Variants in HOXD1 observed in about 807,000 individuals in gnomAD.
HOXD1 encodes homeobox protein Hox-D1.
A neutral mutation model predicts 19.9 loss-of-function variants in HOXD1; 17 were observed. That is an observed-to-expected ratio of 0.85 (90% CI 0.58 to 1.28). The LOEUF is 1.28. Ranked by LOEUF, HOXD1 falls within the 50% of genes most tolerant of loss-of-function variation. The pLI is 0.00. For synonymous variants in HOXD1, 239 were observed against 216.0 expected (o/e 1.11, Z -0.93); for missense variants, 500 against 460.1 (o/e 1.09, Z -0.79).
Position 176,189,246 on chromosome 2 carries a change from A to G in HOXD1, c.445A>G (p.Ser149Gly), listed in dbSNP as rs1450368127. 2 of 1,597,056 alleles carry G rather than the reference A, an allele frequency of 1.3e-6. No individual in the cohort carries two copies. Among genetic ancestry groups the G allele is most frequent in the Admixed American group, 1.7e-5 (1 of 58,218 alleles). Residue 149 changes from serine (S) to glycine (G), a missense_variant, in exon 1 of 2, where the codon AGC becomes GGC. Ser to Gly is a moderately conservative substitution (Grantham distance 56). Coordinates refer to ENST00000331462, the MANE Select transcript of HOXD1 (RefSeq NM_024501.3). ...CTCGGGCGGCGGCTCTTTCCTCCTCAGCGGCCAGGTGGATTACGCGGCCTT... is the reference window on the plus strand; with the variant it reads ...CTCGGGCGGCGGCTCTTTCCTCCTCGGCGGCCAGGTGGATTACGCGGCCTT... ...VFSGGGSFLLSGQVDYAAFGE... is the reference protein window; with the variant it reads ...VFSGGGSFLLGGQVDYAAFGE...
At position 176,189,152 on chromosome 2, in the gene HOXD1, C is replaced by A; in HGVS notation, c.351C>A (p.Phe117Leu). The A allele has an allele frequency of 6.3e-7, 1 of 1,590,532 alleles. No individual in the cohort carries two copies. Among genetic ancestry groups the A allele is most frequent in the East Asian group, 2.3e-5 (1 of 44,154 alleles). ...TGGGGTCCGGGCCGGCGTACGACTTCCCGGGCGTGCTGGGGCGGGCGGCCG... is the reference window on the plus strand; with the variant it reads ...TGGGGTCCGGGCCGGCGTACGACTTACCGGGCGTGCTGGGGCGGGCGGCCG... ...GFLGSGPAYD[F>L]PGVLGRAADD... The change falls in exon 1 of 2, where the codon TTC (phenylalanine) becomes TTA (leucine). Residue 117 changes from phenylalanine to leucine, a missense_variant. Phe to Leu is a conservative substitution (Grantham distance 22). Transcript: ENST00000331462.
In HOXD1 at chr2:176,189,180, GA is replaced by G; in HGVS notation, c.380del (p.Asp127AlafsTer82). 1 of 1,565,276 alleles carries G rather than the reference GA, an allele frequency of 6.4e-7. No individual in the cohort carries two copies. On this transcript the variant is annotated frameshift_variant, in exon 1 of 2. Coordinates refer to ENST00000331462, the MANE Select transcript of HOXD1 (RefSeq NM_024501.3). LOFTEE classifies it high-confidence loss of function. ...FPGVLGRAAD[D>X]GGSHVHYATS... ...GGGCGTGCTGGGGCGGGCGGCCGAC[GA>G]CGGCGGGTCTCACGTCCACTACGCC...
At position 176,189,362 on chromosome 2, in the gene HOXD1, C is replaced by T. The variant is rs1391980762; in HGVS notation, c.561C>T (p.Thr187=). The part of the protein sequence containing the change: ...AFQTASPAPG[T]YPKSVSPASG... ...AGACCGCATCCCCGGCCCCAGGCAC[C>T]TACCCCAAGTCCGTCTCTCCCGCCT... The change falls in exon 1 of 2, where the codon ACC becomes ACT. Residue 187 remains threonine (T), a synonymous_variant. Coordinates refer to ENST00000331462, the MANE Select transcript of HOXD1 (RefSeq NM_024501.3). 1.2e-6 allele frequency: 2 copies of T among 1,613,068 alleles called. No individual in the cohort carries two copies. The highest frequency in any genetic ancestry group is 1.7e-6 in the Non-Finnish European group (2 of 1,179,976).
chr2:176,189,737 C>A, intron 1 of HOXD1, 71 bp from the exon 2 acceptor site: 1 of 1,610,510 alleles, frequency 6.2e-7, no homozygotes. Flanking sequence ...TTGATTCTAA[C>A]TAGCTCCACT....
chr2:176,190,310 A>C lies in HOXD1; in HGVS notation c.*168A>C. On this transcript the variant is annotated 3_prime_UTR_variant, in exon 2 of 2. Coordinates refer to ENST00000331462, the MANE Select transcript of HOXD1 (RefSeq NM_024501.3). ...AGTTGGCTTCCGAGTTCCAGACTAT[A>C]TGTCCAGATATTAATTGACTGTCTT... The C allele has an allele frequency of 1.7e-6, 1 of 589,052 alleles. No homozygotes were observed. The allele number at this position is 589,052 out of a possible 1,614,324, so 36.5% of individuals were successfully genotyped here.
Position 176,190,509 on chromosome 2 carries a change from T to C in HOXD1, c.*367T>C, listed in dbSNP as rs1413589189. 1 of 213,490 alleles carries C rather than the reference T, an allele frequency of 4.7e-6. No individual in the cohort carries two copies. Among genetic ancestry groups the C allele is most frequent in the Admixed American group, 5.6e-5 (1 of 18,016 alleles). 13.2% of individuals were successfully genotyped at this position (213,490 alleles called of 1,614,324 possible). Reference sequence around the variant, plus strand: ...ACTCTGATGTGCTCAGAAGAGCACCTGCCCAAAGTTTTTCTGGTTTTAATT... The same window carrying C: ...ACTCTGATGTGCTCAGAAGAGCACCCGCCCAAAGTTTTTCTGGTTTTAATT... On this transcript the variant is annotated 3_prime_UTR_variant, in exon 2 of 2. Transcript: ENST00000331462.
At chr2:176,189,539 G>A (rs548572236) in intron 1 of HOXD1, 86 bp downstream of exon 1, 1 of 1,606,332 alleles carries the variant, frequency 6.2e-7, no homozygotes, top group South Asian at 1.1e-5. Context: ...TGGTGTCGCT[G>A]CCTTTCCAGA....
Position 176,189,227 on chromosome 2 carries a change from C to T in HOXD1, c.426C>T (p.Gly142=). ...VHYATSAVFS[G]GGSFLLSGQV... ...ACGCCACCTCGGCCGTCTTCTCGGG[C>T]GGCGGCTCTTTCCTCCTCAGCGGCC... is the stretch of plus-strand genomic sequence containing the variant. The change falls in exon 1 of 2, where the codon GGC becomes GGT. Residue 142 remains glycine, a synonymous_variant. Coordinates refer to ENST00000331462, the MANE Select transcript of HOXD1 (RefSeq NM_024501.3). The T allele has an allele frequency of 6.3e-7, 1 of 1,590,740 alleles. No individual in the cohort carries two copies. Among genetic ancestry groups the T allele is most frequent in the Non-Finnish European group, 8.5e-7 (1 of 1,169,856 alleles).
At chr2:176,189,597 T>C in intron 1 of HOXD1, 144 bp downstream of exon 1, 1 of 1,567,788 alleles carries the variant, frequency 6.4e-7, no homozygotes, top group Non-Finnish European at 8.6e-7. Context: ...GCGAATTCCA[T>C]GGAGTCTGCC....
chr2:176,190,255 A>C lies in HOXD1; in HGVS notation c.*113A>C, dbSNP rs1691768239. 2 of 690,646 alleles carry C rather than the reference A, an allele frequency of 2.9e-6. No homozygotes were observed. Among genetic ancestry groups the C allele is most frequent in the Non-Finnish European group, 5.0e-6 (2 of 399,236 alleles). The allele number at this position is 690,646 out of a possible 1,614,324, so 42.8% of individuals were successfully genotyped here. ...TGGAGGTGGGAGAACAAAAATGAAT[A>C]GGGATTTCACTTGGGAAATGAAGTA... On this transcript the variant is annotated 3_prime_UTR_variant, in exon 2 of 2. Coordinates refer to ENST00000331462, the MANE Select transcript of HOXD1 (RefSeq NM_024501.3).
Position 176,190,231 on chromosome 2 carries a change from G to A in HOXD1, c.*89G>A. On this transcript the variant is annotated 3_prime_UTR_variant, in exon 2 of 2. Transcript: ENST00000331462. ...TAGACTTAGGAGCTCAGTTTGGGAT[G>A]GAGGTGGGAGAACAAAAATGAATAG... is the stretch of plus-strand genomic sequence containing the variant. 1 of 858,810 alleles carries A rather than the reference G, an allele frequency of 1.2e-6. No homozygotes were observed. Among genetic ancestry groups the A allele is most frequent in the Non-Finnish European group, 1.8e-6 (1 of 542,040 alleles). 53.2% of individuals were successfully genotyped at this position (858,810 alleles called of 1,614,324 possible).
rs751583042 is a variant in HOXD1, at chr2:176,188,899, G to A, written c.98G>A (p.Arg33Gln). 3.4e-5 allele frequency: 54 copies of A among 1,591,572 alleles called. No homozygotes were observed. Among genetic ancestry groups the A allele is most frequent in the Non-Finnish European group, 4.6e-5 (54 of 1,173,950 alleles). The change falls in exon 1 of 2, where the codon CGG becomes CAG. Residue 33 changes from arginine to glutamine, a missense_variant. Physicochemically the swap from Arg to Gln is conservative, Grantham distance 43 (BLOSUM62 1). Coordinates refer to ENST00000331462, the MANE Select transcript of HOXD1 (RefSeq NM_024501.3). The part of the protein sequence containing the change: ...LAPKFCRSDA[R>Q]PVALQPAFPL... Reference sequence around the variant, plus strand: ...CCCAAGTTCTGCCGCTCCGACGCCCGGCCCGTGGCTCTGCAGCCCGCCTTC... The same window carrying A: ...CCCAAGTTCTGCCGCTCCGACGCCCAGCCCGTGGCTCTGCAGCCCGCCTTC...
chr2:176,189,140 G>T lies in HOXD1; in HGVS notation c.339G>T (p.Pro113=). The T allele has an allele frequency of 6.3e-7, 1 of 1,580,168 alleles. No individual in the cohort carries two copies. The highest frequency in any genetic ancestry group is 1.1e-5 in the South Asian group (1 of 87,090). The part of the protein sequence containing the change: ...GADYGFLGSG[P]AYDFPGVLGR... The stretch of plus-strand genomic sequence containing the variant: ...ACTACGGCTTCCTGGGGTCCGGGCC[G>T]GCGTACGACTTCCCGGGCGTGCTGG... Residue 113 remains proline (P), a synonymous_variant, in exon 1 of 2, where the codon CCG becomes CCT. Coordinates refer to ENST00000331462, the MANE Select transcript of HOXD1 (RefSeq NM_024501.3).
At chr2:176,189,782 G>A in intron 1 of HOXD1, 26 bp from the exon 2 acceptor site, 1 of 1,611,378 alleles carries the variant, frequency 6.2e-7, no homozygotes, top group East Asian at 2.2e-5. Context: ...CTCAGGCCTG[G>A]CTGACGCCCT....
At position 176,189,823 on chromosome 2, in the gene HOXD1, A is replaced by T; in HGVS notation, c.668A>T (p.Tyr223Phe). 1.2e-6 allele frequency: 2 copies of T among 1,613,994 alleles called. No individual in the cohort carries two copies. Among genetic ancestry groups the T allele is most frequent in the Non-Finnish European group, 1.7e-6 (2 of 1,179,878 alleles). Residue 223 changes from tyrosine to phenylalanine, a missense_variant, in exon 2 of 2, where the codon TAT (tyrosine) becomes TTT (phenylalanine). Physicochemically the swap from Tyr to Phe is conservative, Grantham distance 22. Coordinates refer to ENST00000331462, the MANE Select transcript of HOXD1 (RefSeq NM_024501.3). Reference sequence around the variant, plus strand: ...TACGTTGCAGGCAAACTCGCCGAGTATGGGGCCGCTAGCCCCTCCAGCGCG... The same window carrying T: ...TACGTTGCAGGCAAACTCGCCGAGTTTGGGGCCGCTAGCCCCTCCAGCGCG... Reference protein sequence around the residue: ...NASKKGKLAEYGAASPSSAIR... With the variant: ...NASKKGKLAEFGAASPSSAIR...
In HOXD1 at chr2:176,189,048, G is replaced by T; in HGVS notation, c.247G>T (p.Ala83Ser). The T allele has an allele frequency of 6.9e-7, 1 of 1,439,384 alleles. No homozygotes were observed. Among genetic ancestry groups the T allele is most frequent in the Non-Finnish European group, 9.0e-7 (1 of 1,111,078 alleles). 89.2% of individuals were successfully genotyped at this position (1,439,384 alleles called of 1,614,324 possible). Residue 83 changes from alanine (A) to serine (S), a missense_variant, in exon 1 of 2, where the codon GCG becomes TCG. By Grantham distance (99) the Ala-to-Ser change is moderately conservative. Transcript: ENST00000331462. ...ACCGCCTCCGGCCGCGCCCCAGTAC[G>T]CGCAGTGCACCCTGGAGGGGGCCTA... ...SVPPPAAPQY[A>S]QCTLEGAYEP...
In HOXD1 at chr2:176,189,923, A is replaced by T. The variant is rs776817945; in HGVS notation, c.768A>T (p.Arg256=). 6.2e-7 allele frequency: 1 copy of T among 1,614,228 alleles called. No homozygotes were observed. The highest frequency in any genetic ancestry group is 1.1e-5 in the South Asian group (1 of 91,078). The part of the protein sequence containing the change: ...KEFHFNKYLT[R]ARRIEIANCL... ...TTCATTTCAATAAGTACTTAACTCG[A>T]GCCCGGCGCATCGAGATAGCCAACT... Residue 256 remains arginine, a synonymous_variant, in exon 2 of 2, where the codon CGA becomes CGT. Coordinates refer to ENST00000331462, the MANE Select transcript of HOXD1 (RefSeq NM_024501.3).
chr2:176,188,789 TG>T lies in HOXD1; in HGVS notation c.-9del. The T allele has an allele frequency of 6.2e-7, 1 of 1,606,020 alleles. No individual in the cohort carries two copies. The highest frequency in any genetic ancestry group is 1.1e-5 in the South Asian group (1 of 90,066). On this transcript the variant is annotated 5_prime_UTR_variant, in exon 1 of 2. Transcript: ENST00000331462. ...GCCCCGGCCTGCGCCCTCAGAAAGG[TG>T]GGGCCCGAACCATGAGCTCCTACCT...
chr2:176,190,192 C>G lies in HOXD1; in HGVS notation c.*50C>G, dbSNP rs1342435336. 2 of 1,274,550 alleles carry G rather than the reference C, an allele frequency of 1.6e-6. No homozygotes were observed. Among genetic ancestry groups the G allele is most frequent in the Non-Finnish European group, 2.2e-6 (2 of 907,828 alleles). 79.0% of individuals were successfully genotyped at this position (1,274,550 alleles called of 1,614,324 possible). A position where few individuals can be genotyped will look rare whatever the true frequency, so the allele number is the denominator to read the frequency against. On this transcript the variant is annotated 3_prime_UTR_variant, in exon 2 of 2. Coordinates refer to ENST00000331462, the MANE Select transcript of HOXD1 (RefSeq NM_024501.3). Reference sequence around the variant, plus strand: ...TGTGGCCTGCAGAAGTCCCAGGCGACCCCCATCCCTATCTAGACTTAGGAG... The same window carrying G: ...TGTGGCCTGCAGAAGTCCCAGGCGAGCCCCATCCCTATCTAGACTTAGGAG...
Sources: gnomAD v4.1 joint callset for allele counts on GRCh38, gnomAD v4.1.1 for gene constraint, MANE v1.5 for transcripts, NCBI Gene and HGNC (gene_info 2026-07-23, HGNC 2026-07-21) for gene names.